The following STT3B variants were observed in gnomAD, a reference collection of about 807,000 sequenced individuals.
The protein encoded by STT3B is dolichyl-diphosphooligosaccharide--protein glycosyltransferase subunit STT3B.
A neutral mutation model predicts 96.8 loss-of-function variants in STT3B; 29 were observed. The ratio of observed to expected loss-of-function variants is 0.30; its 90% CI spans 0.22 to 0.41. STT3B has a LOEUF of 0.41. Among genes scored for constraint, STT3B ranks in the 10% least tolerant of loss-of-function variants. The probability of loss-of-function intolerance (pLI) is 1.00; values close to 1 mark genes in which losing one functional copy is unlikely to be tolerated. For missense variants in STT3B, 640 were observed against 1,022.3 expected (o/e 0.63, Z 5.10); for synonymous variants, 367 against 360.0 (o/e 1.02, Z -0.22).
At chr3:31,594,436 G>GTTTT (rs36046046) in intron 3 of STT3B, among the ~76,000 whole-genome samples, 26 of 143,426 alleles carry the variant, frequency 1.8e-4, no homozygotes, top group African/African-American at 5.8e-4. Flanking sequence ...CCCCCTCAAG[G>GTTTT]TTTTTTTTTT....
intron 12 of STT3B, among the ~76,000 whole-genome samples, chr3:31,625,332 G>A (rs978133866): frequency 6.6e-6 from 1 of 152,160 alleles, no homozygotes. Context: ...TTAGCTTACT[G>A]AAGAATTAGA....
intron 3 of STT3B, among the ~76,000 whole-genome samples, chr3:31,580,751 T>TG (rs1394811400): frequency 1.3e-5 from 2 of 152,102 alleles, no homozygotes; most frequent in African/African-American, 2.4e-5. Flanking sequence ...TGCTCTAGCA[T>TG]GGAATTCTGG....
intron 15 of STT3B, among the ~76,000 whole-genome samples, chr3:31,635,051 G>A (rs538483710): frequency 9.9e-5 from 15 of 152,246 alleles, no homozygotes; most frequent in African/African-American, 3.6e-4. Context: ...GAACATCATG[G>A]ATAAAGGAAC....
At chr3:31,611,414 G>T (rs1409440386) in intron 5 of STT3B, among the ~76,000 whole-genome samples, 1 of 152,128 alleles carries the variant, frequency 6.6e-6, no homozygotes, top group Non-Finnish European at 1.5e-5. Flanking sequence ...TGCATAAATT[G>T]AAGAGGTAAT....
intron 1 of STT3B, among the ~76,000 whole-genome samples, chr3:31,535,762 A>T (rs1465788224): frequency 6.6e-6 from 1 of 152,208 alleles, no homozygotes; most frequent in East Asian, 1.9e-4. Context: ...TTTTATATAT[A>T]TGAAAACGCA....
At chr3:31,599,024 G>T (rs1055104673) in intron 4 of STT3B, among the ~76,000 whole-genome samples, 2 of 152,074 alleles carry the variant, frequency 1.3e-5, no homozygotes, top group African/African-American at 4.8e-5. Context: ...GGTCAGACTG[G>T]TCTCGAACTC....
chr3:31,634,811 T>C, intron 15 of STT3B, among the ~76,000 whole-genome samples: 1 of 152,180 alleles, frequency 6.6e-6, no homozygotes, highest in East Asian at 1.9e-4. Context: ...AGTATCCTGT[T>C]AGAATCTGGA....
At position 31,632,998 on chromosome 3, in the gene STT3B, A is replaced by G. The variant is rs768929346; in HGVS notation, c.2251A>G (p.Ile751Val). 1 of 1,614,174 alleles carries G rather than the reference A, an allele frequency of 6.2e-7. No homozygotes were observed. ...TRNAEIGNKD[I>V]KFKHLEEAFT... Reference sequence around the variant, plus strand: ...TAATGCTGAGATTGGAAATAAGGACATTAAATTCAAACATTTGGAAGAAGC... The same window carrying G: ...TAATGCTGAGATTGGAAATAAGGACGTTAAATTCAAACATTTGGAAGAAGC... Residue 751 changes from isoleucine (I) to valine (V), a missense_variant, in exon 15 of 16, where the codon ATT becomes GTT. By Grantham distance (29) the Ile-to-Val change is conservative. Around this residue, in one of 8 missense-constraint regions of STT3B, gnomAD observed 40 missense variants for 122.2 expected, o/e 0.33. Transcript: ENST00000295770.
chr3:31,589,507 G>A (rs977018948), intron 3 of STT3B, among the ~76,000 whole-genome samples: 1 of 151,844 alleles, frequency 6.6e-6, no homozygotes, highest in Non-Finnish European at 1.5e-5. Context: ...GAGAACAACT[G>A]TATCTTGTCC....
chr3:31,539,394 G>T (rs1034973730), intron 1 of STT3B, among the ~76,000 whole-genome samples: 1 of 152,134 alleles, frequency 6.6e-6, no homozygotes, highest in African/African-American at 2.4e-5. Flanking sequence ...GAATTGAGGA[G>T]ATGAGGTAAC....
intron 12 of STT3B, 32 bp from the exon 13 acceptor site, chr3:31,625,922 A>G (rs1699527609): frequency 1.3e-6 from 2 of 1,546,280 alleles, no homozygotes; most frequent in Non-Finnish European, 1.7e-6. Flanking sequence ...GGAATAATCA[A>G]AAACATTCTC....
At chr3:31,592,416 C>G (rs1249578984) in intron 3 of STT3B, among the ~76,000 whole-genome samples, 1 of 152,106 alleles carries the variant, frequency 6.6e-6, no homozygotes, top group Non-Finnish European at 1.5e-5. Context: ...AATCTCTCTC[C>G]AAGACCTTGC....
In STT3B at chr3:31,588,215, G is replaced by T. The variant is rs75180020; in HGVS notation, c.711+8119G>T. Among the ~76,000 whole-genome samples, 572 of 152,006 alleles carry T rather than the reference G, an allele frequency of 3.8e-3. 8 individuals carry two copies. Among genetic ancestry groups the T allele is most frequent in the African/African-American group, 0.013 (532 of 41,488 alleles). ...AATACTACTTTCCAATAGAACTTTCGACTCTGTTTAATAAGATAGTCACTG... is the reference window on the plus strand; with the variant it reads ...AATACTACTTTCCAATAGAACTTTCTACTCTGTTTAATAAGATAGTCACTG... On this transcript the variant is annotated intron_variant, in intron 3 of 15. Coordinates refer to ENST00000295770, the MANE Select transcript of STT3B (RefSeq NM_178862.3).
chr3:31,618,432 CAAGAG>C (rs1412046616), intron 8 of STT3B, among the ~76,000 whole-genome samples: 2 of 150,264 alleles, frequency 1.3e-5, no homozygotes, highest in African/African-American at 2.4e-5. Flanking sequence ...CTGTGAAACA[CAAGAG>C]AATATATATC....
At chr3:31,629,864 G>C (rs964315971) in intron 14 of STT3B, among the ~76,000 whole-genome samples, 3 of 152,204 alleles carry the variant, frequency 2.0e-5, no homozygotes, top group African/African-American at 7.2e-5. Context: ...AGCTGCCTGG[G>C]TCAGAGTTTT....
intron 1 of STT3B, among the ~76,000 whole-genome samples, chr3:31,555,878 T>G (rs572358746): frequency 6.6e-6 from 1 of 152,218 alleles, no homozygotes; most frequent in Non-Finnish European, 1.5e-5. Context: ...CTTGAGTATT[T>G]ATTATTTCTA....
At chr3:31,620,765 A>G (rs1699410519) in intron 9 of STT3B, among the ~76,000 whole-genome samples, 1 of 152,340 alleles carries the variant, frequency 6.6e-6, no homozygotes, top group African/African-American at 2.4e-5. Flanking sequence ...CGTGCACAGG[A>G]TCACACCAGT....
chr3:31,577,679 G>A (rs1698292097), intron 2 of STT3B, among the ~76,000 whole-genome samples: 2 of 152,080 alleles, frequency 1.3e-5, no homozygotes, highest in African/African-American at 4.8e-5. Flanking sequence ...CTAGTCTGGG[G>A]CATCTTCTTA....
chr3:31,553,252 C>T (rs1697615507), intron 1 of STT3B, among the ~76,000 whole-genome samples: 1 of 152,038 alleles, frequency 6.6e-6, no homozygotes, highest in South Asian at 2.1e-4. Context: ...AGTGGAATTG[C>T]TAAGTATTCA....
Sources: allele counts gnomAD v4.1 joint callset (sites outside exome capture counted in the v4.1 genomes callset), GRCh38; gene constraint gnomAD v4.1.1; regional missense constraint gnomAD v4.1.1; transcripts MANE v1.5; gene names NCBI Gene and HGNC (gene_info 2026-07-23, HGNC 2026-07-21).